AS3MT: variants seen among roughly 807,000 people sequenced by gnomAD.
The protein encoded by AS3MT is arsenite methyltransferase, also known as S-adenosyl-L-methionine:arsenic(III) methyltransferase.
Under a neutral mutation model 45.3 loss-of-function variants are expected in AS3MT, and 47 were observed. The observed-to-expected ratio is 1.04, with a 90% CI of 0.82 to 1.32. The LOEUF (loss-of-function observed/expected upper bound fraction) is 1.32. AS3MT is among the 40% of genes most tolerant of loss of function. The pLI, the probability that AS3MT is intolerant of heterozygous loss-of-function variation, is 0.00. For missense variants in AS3MT, 396 were observed against 451.1 expected, an observed-to-expected ratio of 0.88 and a Z score of 1.11; for synonymous variants, 141 against 152.8, an observed-to-expected ratio of 0.92 and a Z score of 0.57.
chr10:102,888,605 G>A (rs1844997009), intron 9 of AS3MT, among the ~76,000 whole-genome samples: 1 of 151,782 alleles, frequency 6.6e-6, no homozygotes, highest in South Asian at 2.1e-4. Flanking sequence ...ATTTTTAGTA[G>A]AGACGGGGTT....
chr10:102,899,775 C>T (rs1845241532), intron 10 of AS3MT, among the ~76,000 whole-genome samples: 1 of 150,244 alleles, frequency 6.7e-6, no homozygotes, highest in Non-Finnish European at 1.5e-5. Flanking sequence ...TCAAGTGATT[C>T]TCTTGCCTCA....
chr10:102,869,987 G>A (rs916190191), intron 2 of AS3MT, 97 bp from the exon 3 acceptor site: 58 of 1,564,504 alleles, frequency 3.7e-5, no homozygotes, highest in Non-Finnish European at 5.0e-5. Context: ...AACTGAGGTC[G>A]GCCAAGTGGA....
At chr10:102,878,664 A>C (rs3740391) in intron 8 of AS3MT, among the ~76,000 whole-genome samples, 154 bp downstream of exon 8, 19,018 of 152,132 alleles carry the variant, frequency 0.13, 1,266 homozygotes, top group Middle Eastern at 0.22. Flanking sequence ...GTAACCCCCC[A>C]AAAATTTTGA....
Position 102,890,604 on chromosome 10 carries a change from G to T in AS3MT, c.946G>T (p.Ala316Ser), listed in dbSNP as rs1845053528. The change falls in exon 10 of 11, where the codon GCT (alanine) becomes TCT (serine). Residue 316 changes from alanine to serine, a missense_variant. Transcript: ENST00000369880. ...AGCTATCTTGAAGAATTCAAGATTTGCTCAAGATTTTCTGATCAGACCAAT... is the reference window on the plus strand; with the variant it reads ...AGCTATCTTGAAGAATTCAAGATTTTCTCAAGATTTTCTGATCAGACCAAT... ...TAAILKNSRF[A>S]QDFLIRPIGE... 6.2e-7 allele frequency: 1 copy of T among 1,612,444 alleles called. No homozygotes were observed. The highest frequency in any genetic ancestry group is 8.5e-7 in the Non-Finnish European group (1 of 1,179,308).
intron 6 of AS3MT, 29 bp from the exon 7 acceptor site, chr10:102,876,925 T>C: frequency 6.2e-7 from 1 of 1,603,552 alleles, no homozygotes; most frequent in Non-Finnish European, 8.5e-7. Context: ...ATTAATCATC[T>C]TGTTTGGACT....
intron 10 of AS3MT, among the ~76,000 whole-genome samples, chr10:102,897,279 G>C (rs1423906697): frequency 6.6e-6 from 1 of 151,442 alleles, no homozygotes; most frequent in Admixed American, 6.6e-5. Flanking sequence ...AGCTACTCGG[G>C]AGGCTGAGGC....
intron 9 of AS3MT, among the ~76,000 whole-genome samples, chr10:102,884,828 T>C (rs1353428258): frequency 6.6e-6 from 1 of 152,134 alleles, no homozygotes; most frequent in African/African-American, 2.4e-5. Context: ...ATTACAGGCA[T>C]GAGACACTGC....
intron 10 of AS3MT, among the ~76,000 whole-genome samples, chr10:102,893,495 C>T (rs77789381): frequency 0.093 from 9,833 of 105,176 alleles, 436 homozygotes; most frequent in East Asian, 0.28. Flanking sequence ...ATTTTTTTTT[C>T]TTTTTTTTTT....
rs1316400244 is a variant in AS3MT at position 102,870,335 on chromosome 10, A to G, written c.170+124A>G. Reference sequence around the variant, plus strand: ...CCATCAGCTTGCCTTGTCTATTGTAAAAATCCTAAATCTCAGCACCCATCA... The same window carrying G: ...CCATCAGCTTGCCTTGTCTATTGTAGAAATCCTAAATCTCAGCACCCATCA... On this transcript the variant is annotated intron_variant, in intron 3 of 10. Coordinates refer to ENST00000369880, the MANE Select transcript of AS3MT (RefSeq NM_020682.4). The G allele has an allele frequency of 4.4e-5, 57 of 1,283,956 alleles. No individual in the cohort carries two copies. The Admixed American group carries it at 1.2e-3, about 27-fold the overall frequency. The allele number at this position is 1,283,956 out of a possible 1,614,324, so 79.5% of individuals were successfully genotyped here. A position where few individuals can be genotyped will look rare whatever the true frequency, so the allele number is the denominator to read the frequency against.
chr10:102,869,676 C>T (rs1182510634), intron 1 of AS3MT, 83 bp downstream of exon 1: 2 of 1,603,572 alleles, frequency 1.2e-6, no homozygotes, highest in East Asian at 2.2e-5. Context: ...AGCGCCTCCC[C>T]CGAGCTGTGT....
intron 9 of AS3MT, among the ~76,000 whole-genome samples, chr10:102,886,877 A>G (rs572616933): frequency 2.6e-5 from 4 of 152,204 alleles, no homozygotes; most frequent in Non-Finnish European, 5.9e-5. Context: ...TTGGCCTCCC[A>G]AAGTGCTGAG....
chr10:102,874,253 C>CG (rs148333421), intron 5 of AS3MT, among the ~76,000 whole-genome samples: 15,917 of 147,192 alleles, frequency 0.11, 852 homozygotes, highest in Middle Eastern at 0.18. Context: ...AACATCCTCT[C>CG]GGGAAAAAAA....
chr10:102,888,881 A>AT (rs869038434), intron 9 of AS3MT, among the ~76,000 whole-genome samples: 11 of 52,518 alleles, frequency 2.1e-4, no homozygotes, highest in South Asian at 7.5e-4. Flanking sequence ...ATATATATAT[A>AT]TTTTTTTTTT....
intron 10 of AS3MT, among the ~76,000 whole-genome samples, chr10:102,899,289 C>T (rs1845233760): frequency 6.6e-6 from 1 of 152,136 alleles, no homozygotes; most frequent in African/African-American, 2.4e-5. Flanking sequence ...TGAGCCACCG[C>T]ACCAGGCCAG....
In AS3MT at chr10:102,884,281, C is replaced by T. The variant is rs975172035; in HGVS notation, c.885+5290C>T. Among the ~76,000 whole-genome samples, 16 of 151,968 alleles carry T rather than the reference C, an allele frequency of 1.1e-4. No individual in the cohort carries two copies. The South Asian group carries it at 1.9e-3, about 18-fold the overall frequency. On this transcript the variant is annotated intron_variant, in intron 9 of 10. Transcript: ENST00000369880. ...AGGCGCGAGGTGCCCAGCCTTTTAG[C>T]AATTTCCAATACATTGTTATTAACT...
chr10:102,871,694 C>T (rs1273571562), intron 3 of AS3MT, among the ~76,000 whole-genome samples: 1 of 149,862 alleles, frequency 6.7e-6, no homozygotes, highest in Non-Finnish European at 1.5e-5. Flanking sequence ...CGCCACTGCA[C>T]TCCAGCCTGG....
rs1301342775 is a variant in AS3MT at position 102,894,436 on chromosome 10, A to AT, written c.1020+3758_1020+3759insT. ...AGACTCCATCTCAAAAAATAAAAAA[A>AT]AATAAAAAAATAAAAAAATAAAATA... On this transcript the variant is annotated intron_variant, in intron 10 of 10. Transcript: ENST00000369880. Among the ~76,000 whole-genome samples, 108 of 133,162 alleles carry AT rather than the reference A, an allele frequency of 8.1e-4. 1 individual carries two copies. The highest frequency in any genetic ancestry group is 2.8e-3 in the African/African-American group (105 of 37,550). 87.4% of individuals were successfully genotyped at this position (133,162 alleles called of 152,430 possible).
At chr10:102,871,343 G>A (rs1210181544) in intron 3 of AS3MT, among the ~76,000 whole-genome samples, 8 of 151,800 alleles carry the variant, frequency 5.3e-5, no homozygotes, top group Non-Finnish European at 7.4e-5. Context: ...CCAGGAGATC[G>A]AGACCATCCT....
Position 102,900,607 on chromosome 10 carries a change from T to C in AS3MT, c.1035T>C (p.Asp345=). Residue 345 remains aspartate, a synonymous_variant, in exon 11 of 11, where the codon GAT becomes GAC. Coordinates refer to ENST00000369880, the MANE Select transcript of AS3MT (RefSeq NM_020682.4). ...CCTTTTGACAGGATATAATCACAGA[T>C]CCATTTAAGCTTGCAGAAGAGTCTG... ...SALELKDIIT[D]PFKLAEESDS... 3 of 1,613,828 alleles carry C rather than the reference T, an allele frequency of 1.9e-6. No homozygotes were observed. The highest frequency in any genetic ancestry group is 2.2e-5 in the East Asian group (1 of 44,882).
Sources: allele counts gnomAD v4.1 joint callset (sites outside exome capture counted in the v4.1 genomes callset), GRCh38; gene constraint gnomAD v4.1.1; transcripts MANE v1.5; gene names NCBI Gene and HGNC (gene_info 2026-07-23, HGNC 2026-07-21).